The following BTBD9 variants were observed in gnomAD, a reference collection of about 807,000 sequenced individuals.
BTBD9 encodes the protein BTB domain containing 9, also known as BTB/POZ domain-containing protein 9.
In BTBD9, 49 loss-of-function variants were observed where a neutral mutation model predicts 64.3. The observed-to-expected ratio is 0.76, with a 90% CI of 0.61 to 0.97. The LOEUF (loss-of-function observed/expected upper bound fraction) is 0.97. Among genes scored for constraint, BTBD9 ranks in the 50% least tolerant of loss-of-function variants. The pLI, the probability that BTBD9 is intolerant of heterozygous loss-of-function variation, is 0.00. For synonymous variants in BTBD9, 260 were observed against 274.7 expected, an observed-to-expected ratio of 0.95 and a Z score of 0.53; for missense variants, 598 against 762.1, an observed-to-expected ratio of 0.78 and a Z score of 2.53.
chr6:38,401,243 C>G (rs1316139526), intron 6 of BTBD9, among the ~76,000 whole-genome samples: 1 of 152,134 alleles, frequency 6.6e-6, no homozygotes, highest in Non-Finnish European at 1.5e-5. Context: ...AAGTGTGGCA[C>G]TTCCTTGCTC....
intron 6 of BTBD9, among the ~76,000 whole-genome samples, chr6:38,542,617 A>G (rs1461454600): frequency 6.6e-6 from 1 of 152,154 alleles, no homozygotes; most frequent in Non-Finnish European, 1.5e-5. Context: ...TAAACTATAA[A>G]TATTAATTGA....
At chr6:38,486,778 C>A (rs76347541) in intron 6 of BTBD9, among the ~76,000 whole-genome samples, 1 of 152,170 alleles carries the variant, frequency 6.6e-6, no homozygotes, top group Non-Finnish European at 1.5e-5. Flanking sequence ...TAAGCACATG[C>A]TGCTGGAAAA....
At chr6:38,381,325 G>C (rs1765925102) in intron 6 of BTBD9, among the ~76,000 whole-genome samples, 1 of 151,262 alleles carries the variant, frequency 6.6e-6, no homozygotes, top group East Asian at 1.9e-4. Context: ...AATAATGTCA[G>C]AAAAAACAGA....
chr6:38,178,215 A>C (rs1761369770), intron 10 of BTBD9, among the ~76,000 whole-genome samples: 1 of 152,110 alleles, frequency 6.6e-6, no homozygotes, highest in Non-Finnish European at 1.5e-5. Flanking sequence ...CGAAGATTCT[A>C]AGTGGAAAAG....
At chr6:38,480,904 G>A (rs1219651714) in intron 6 of BTBD9, among the ~76,000 whole-genome samples, 1 of 152,184 alleles carries the variant, frequency 6.6e-6, no homozygotes, top group African/African-American at 2.4e-5. Flanking sequence ...ATGAATGTGC[G>A]CTCTGTGCAA....
In BTBD9 at chr6:38,168,580, C is replaced by T. The variant is rs1766615088; in HGVS notation, c.*6405G>A. 1 of 152,286 alleles carries T rather than the reference C, an allele frequency of 6.6e-6. No individual in the cohort carries two copies. The highest frequency in any genetic ancestry group is 2.1e-4 in the South Asian group (1 of 4,834). The allele number at this position is 152,286 out of a possible 1,614,324, so 9.4% of individuals were successfully genotyped here. ...GCTCTGCAAAATGAGGAAGAAGCCG[C>T]ATCGTGCTCACAAATAATACACATT... On this transcript the variant is annotated 3_prime_UTR_variant, in exon 11 of 11. Coordinates refer to ENST00000481247, the MANE Select transcript of BTBD9 (RefSeq NM_001099272.2).
intron 6 of BTBD9, among the ~76,000 whole-genome samples, chr6:38,545,837 AACACACAC>A: frequency 8.9e-6 from 1 of 112,906 alleles, no homozygotes; most frequent in South Asian, 2.8e-4. Flanking sequence ...TAATATTTAA[AACACACAC>A]ACACACACAT....
At chr6:38,478,574 A>G (rs6933268) in intron 6 of BTBD9, among the ~76,000 whole-genome samples, 74,960 of 151,944 alleles carry the variant, frequency 0.49, 19,742 homozygotes, top group Non-Finnish European at 0.6. Context: ...TACTCTCCTT[A>G]GAGGACCTAA....
chr6:38,402,375 C>T (rs1408490252), intron 6 of BTBD9, among the ~76,000 whole-genome samples: 1 of 151,842 alleles, frequency 6.6e-6, no homozygotes. Context: ...CCCAGAATAG[C>T]CAAAACAATC....
chr6:38,534,021 T>A (rs1773907488), intron 6 of BTBD9, among the ~76,000 whole-genome samples: 1 of 150,792 alleles, frequency 6.6e-6, no homozygotes, highest in South Asian at 2.1e-4. Flanking sequence ...AGAAAATAAA[T>A]AAAAATCAGA....
chr6:38,221,042 C>A (rs972256250), intron 9 of BTBD9, among the ~76,000 whole-genome samples: 10 of 152,200 alleles, frequency 6.6e-5, no homozygotes, highest in African/African-American at 2.2e-4. Context: ...ATGATTTAAC[C>A]TTTCAGCCAA....
intron 1 of BTBD9, among the ~76,000 whole-genome samples, chr6:38,626,243 A>G (rs549852954): frequency 6.6e-6 from 1 of 152,354 alleles, no homozygotes; most frequent in South Asian, 2.1e-4. Context: ...CGTGCAATGC[A>G]TAATAATCAC....
intron 6 of BTBD9, among the ~76,000 whole-genome samples, chr6:38,443,528 C>T (rs1270224189): frequency 6.6e-6 from 1 of 152,166 alleles, no homozygotes; most frequent in South Asian, 2.1e-4. Flanking sequence ...CACTTCCTCT[C>T]TCCTCCAAAA....
intron 1 of BTBD9, among the ~76,000 whole-genome samples, chr6:38,625,502 G>T (rs1447817929): frequency 1.3e-5 from 2 of 152,084 alleles, no homozygotes; most frequent in Non-Finnish European, 2.9e-5. Flanking sequence ...ATACATAATG[G>T]GTACTCACTT....
intron 6 of BTBD9, among the ~76,000 whole-genome samples, chr6:38,430,362 G>C (rs1042580627): frequency 6.6e-6 from 1 of 150,814 alleles, no homozygotes; most frequent in African/African-American, 2.5e-5. Flanking sequence ...TGGGATCACA[G>C]GCTTGTGCCA....
intron 1 of BTBD9, among the ~76,000 whole-genome samples, chr6:38,601,460 C>T (rs1777236157): frequency 6.6e-6 from 1 of 152,078 alleles, no homozygotes; most frequent in African/African-American, 2.4e-5. Context: ...GTAATCCCAG[C>T]ACTTTGGGAG....
chr6:38,245,408 C>A (rs115798857), intron 9 of BTBD9, among the ~76,000 whole-genome samples: 3,808 of 152,182 alleles, frequency 0.025, 54 homozygotes, highest in Non-Finnish European at 0.037. Context: ...AGAGGGTGGG[C>A]TCCAGACAGA....
At chr6:38,178,514 C>T (rs1761385676) in intron 10 of BTBD9, among the ~76,000 whole-genome samples, 1 of 152,092 alleles carries the variant, frequency 6.6e-6, no homozygotes, top group Admixed American at 6.6e-5. Flanking sequence ...GACACATAAG[C>T]CAGGGAGAAG....
At chr6:38,471,562 T>G (rs1482406393) in intron 6 of BTBD9, among the ~76,000 whole-genome samples, 1 of 152,124 alleles carries the variant, frequency 6.6e-6, no homozygotes, top group African/African-American at 2.4e-5. Context: ...TTGTTGTTGT[T>G]TTAAGCAGGG....
Sources: gnomAD v4.1 joint callset for allele counts (sites outside exome capture counted in the v4.1 genomes callset) on GRCh38, gnomAD v4.1.1 for gene constraint, MANE v1.5 for transcripts, NCBI Gene and HGNC (gene_info 2026-07-23, HGNC 2026-07-21) for gene names.